The following SCIN variants were observed in gnomAD, a reference collection of about 807,000 sequenced individuals.
The protein encoded by SCIN is scinderin.
A neutral mutation model predicts 91.8 loss-of-function variants in SCIN; 91 were observed. The ratio of observed to expected loss-of-function variants is 0.99; its 90% CI spans 0.84 to 1.18. The LOEUF is 1.18. SCIN is among the 50% of genes most tolerant of loss of function. The probability of loss-of-function intolerance (pLI) is 0.00; values close to 1 mark genes in which losing one functional copy is unlikely to be tolerated. For missense variants in SCIN, 1,087 were observed against 863.9 expected, an observed-to-expected ratio of 1.26 and a Z score of -3.24; for synonymous variants, 367 against 312.6, an observed-to-expected ratio of 1.17 and a Z score of -1.84.
intron 10 of SCIN, among the ~76,000 whole-genome samples, chr7:12,639,164 A>G (rs1285036639): frequency 6.6e-6 from 1 of 152,058 alleles, no homozygotes; most frequent in African/African-American, 2.4e-5. Flanking sequence ...TTTCTTTCTT[A>G]TTCTCCTTTG....
rs543788419 is a variant in SCIN, at chr7:12,644,739, G to T, written c.1881+34G>T. The T allele has an allele frequency of 8.4e-6, 13 of 1,544,066 alleles. No homozygotes were observed. The African/African-American group carries it at 1.8e-4, about 21-fold the overall frequency. ...CCTTAAAAATAGTGCGATAGGGCTG[G>T]TTGCGGTGGCTCATGCCTGTAATCC... On this transcript the variant is annotated intron_variant, in intron 13 of 15. Coordinates refer to ENST00000297029, the MANE Select transcript of SCIN (RefSeq NM_001112706.3).
intron 3 of SCIN, among the ~76,000 whole-genome samples, chr7:12,591,769 TG>T (rs1447567947): frequency 6.6e-6 from 1 of 151,648 alleles, no homozygotes; most frequent in Non-Finnish European, 1.5e-5. Flanking sequence ...TGGAGGAGGG[TG>T]GGGGTAGATT....
intron 1 of SCIN, among the ~76,000 whole-genome samples, chr7:12,576,025 C>T (rs2115202326): frequency 6.6e-6 from 1 of 152,308 alleles, no homozygotes; most frequent in East Asian, 1.9e-4. Flanking sequence ...CATTCATTAA[C>T]TTCATGCCTG....
intron 4 of SCIN, among the ~76,000 whole-genome samples, chr7:12,615,564 T>C (rs1783282074): frequency 6.6e-6 from 1 of 152,126 alleles, no homozygotes; most frequent in African/African-American, 2.4e-5. Flanking sequence ...AATTACCCAG[T>C]ATCAGGTATT....
intron 4 of SCIN, among the ~76,000 whole-genome samples, chr7:12,614,237 G>T: frequency 1.3e-5 from 2 of 152,220 alleles, no homozygotes; most frequent in South Asian, 4.2e-4. Flanking sequence ...TGAACTTCCT[G>T]TTCATTCCTT....
chr7:12,618,731 A>G (rs989335812), intron 4 of SCIN, among the ~76,000 whole-genome samples: 2 of 152,120 alleles, frequency 1.3e-5, no homozygotes, highest in African/African-American at 4.8e-5. Flanking sequence ...TCACTCTTAC[A>G]ATTTATTTCT....
At chr7:12,577,879 A>G in intron 1 of SCIN, 185 bp from the exon 2 acceptor site, 1 of 578,342 alleles carries the variant, frequency 1.7e-6, no homozygotes, top group Non-Finnish European at 2.9e-6. Flanking sequence ...ATAGACTAAA[A>G]AAATTGTTAA....
At chr7:12,608,541 G>A (rs755585031) in intron 4 of SCIN, among the ~76,000 whole-genome samples, 1 of 151,800 alleles carries the variant, frequency 6.6e-6, no homozygotes, top group Non-Finnish European at 1.5e-5. Context: ...GCAGTGGTAC[G>A]GTCTCGGCAC....
At chr7:12,640,272 A>G (rs550770082) in intron 10 of SCIN, 75 bp from the exon 11 acceptor site, 3 of 1,279,404 alleles carry the variant, frequency 2.3e-6, no homozygotes, top group South Asian at 4.1e-5. Flanking sequence ...ACAACATAAG[A>G]ACACATTTGG....
chr7:12,646,791 T>C (rs1260561748), intron 13 of SCIN, among the ~76,000 whole-genome samples: 1 of 152,188 alleles, frequency 6.6e-6, no homozygotes, highest in African/African-American at 2.4e-5. Flanking sequence ...CCACGTATTT[T>C]GTCAGATATT....
chr7:12,609,950 A>G (rs370124293), intron 4 of SCIN, among the ~76,000 whole-genome samples: 36 of 152,314 alleles, frequency 2.4e-4, no homozygotes, highest in Middle Eastern at 6.8e-3. Flanking sequence ...TTGGTTCCCA[A>G]TGAAGTTTGA....
intron 3 of SCIN, among the ~76,000 whole-genome samples, chr7:12,582,454 C>T (rs1782506390): frequency 6.6e-6 from 1 of 152,210 alleles, no homozygotes; most frequent in African/African-American, 2.4e-5. Flanking sequence ...TTTAAGTGAG[C>T]GTGCATCTAT....
At chr7:12,639,605 T>C (rs1019300665) in intron 10 of SCIN, among the ~76,000 whole-genome samples, 1 of 152,196 alleles carries the variant, frequency 6.6e-6, no homozygotes, top group African/African-American at 2.4e-5. Context: ...AATCCAATAT[T>C]TGGGGCTAAT....
In SCIN at chr7:12,657,549, T is replaced by A. The variant is rs1784184461; in HGVS notation, c.*4834T>A. 1 of 19,122 alleles carries A rather than the reference T, an allele frequency of 5.2e-5. No individual in the cohort carries two copies. Among genetic ancestry groups the A allele is most frequent in the Admixed American group, 6.5e-4 (1 of 1,534 alleles). 1.2% of individuals were successfully genotyped at this position (19,122 alleles called of 1,614,324 possible). On this transcript the variant is annotated 3_prime_UTR_variant, in exon 16 of 16. Coordinates refer to ENST00000297029, the MANE Select transcript of SCIN (RefSeq NM_001112706.3). ...TTATATATGTGTGTGTATATATATATATATATATATATATATATATATATT... is the reference window on the plus strand; with the variant it reads ...TTATATATGTGTGTGTATATATATAAATATATATATATATATATATATATT...
chr7:12,652,682 C>T lies in SCIN; in HGVS notation c.2115C>T (p.Gly705=), dbSNP rs1304198504. The change falls in exon 16 of 16, where the codon GGC becomes GGT. Residue 705 remains glycine, a synonymous_variant. Transcript: ENST00000297029. ...KQGHEPPTFT[G]WFLGWDSSKW ...GCCATGAGCCACCCACATTCACAGG[C>T]TGGTTCCTGGGCTGGGATTCCAGCA... is the stretch of plus-strand genomic sequence containing the variant. 1 of 1,606,022 alleles carries T rather than the reference C, an allele frequency of 6.2e-7. No homozygotes were observed. The highest frequency in any genetic ancestry group is 8.5e-7 in the Non-Finnish European group (1 of 1,177,470).
intron 3 of SCIN, chr7:12,588,804 T>TGG (rs1204389002): frequency 3.8e-4 from 1 of 2,644 alleles, no homozygotes; most frequent in Non-Finnish European, 1.6e-3. Flanking sequence ...ACAGCTGCAT[T>TGG]GGGTGGGGGG....
At chr7:12,618,553 A>T (rs1283756688) in intron 4 of SCIN, among the ~76,000 whole-genome samples, 1 of 152,144 alleles carries the variant, frequency 6.6e-6, no homozygotes, top group Non-Finnish European at 1.5e-5. Flanking sequence ...TAAATGTTGG[A>T]ATCTTATATC....
chr7:12,577,957 A>G, intron 1 of SCIN, 107 bp from the exon 2 acceptor site: 1 of 951,078 alleles, frequency 1.1e-6, no homozygotes, highest in Non-Finnish European at 1.5e-6. Context: ...AGACTGTTGG[A>G]TTGATACATA....
At chr7:12,652,270 C>T (rs1215100521) in intron 15 of SCIN, among the ~76,000 whole-genome samples, 1 of 152,124 alleles carries the variant, frequency 6.6e-6, no homozygotes, top group African/African-American at 2.4e-5. Context: ...TTTACTGAAA[C>T]GTATAACAAT....
Sources: allele counts gnomAD v4.1 joint callset (sites outside exome capture counted in the v4.1 genomes callset), GRCh38; gene constraint gnomAD v4.1.1; transcripts MANE v1.5; gene names NCBI Gene and HGNC (gene_info 2026-07-23, HGNC 2026-07-21).